TGDS: variants seen among roughly 807,000 people sequenced by gnomAD.
The protein encoded by TGDS is UDP-D-glucose 4,6-dehydratase.
In TGDS, 47 loss-of-function variants were observed where a neutral mutation model predicts 52.3. The observed-to-expected ratio is 0.90, with a 90% confidence interval of 0.71 to 1.15. The LOEUF (loss-of-function observed/expected upper bound fraction) is 1.15. TGDS is among the 50% of genes most tolerant of loss of function. The pLI is 0.00. For missense variants in TGDS, 375 were observed against 418.4 expected (o/e 0.90, Z 0.90); for synonymous variants, 115 against 136.9 (o/e 0.84, Z 1.12).
At position 94,582,303 on chromosome 13, in the gene TGDS, T is replaced by C. The variant is rs9524541; in HGVS notation, c.456+791A>G. Among the ~76,000 whole-genome samples the C allele has an allele frequency of 8.4e-3, 1,285 of 152,310 alleles. 5 individuals carry two copies. The highest frequency in any genetic ancestry group is 0.012 in the Non-Finnish European group (813 of 68,026). On this transcript the variant is annotated intron_variant, in intron 5 of 11. Coordinates refer to ENST00000261296, the MANE Select transcript of TGDS (RefSeq NM_014305.4). ...GAAAGGGAAAGATGAACAGGTAGTATGCTGCAGCCTAACTTATGCTTTGGT... is the reference window on the plus strand; with the variant it reads ...GAAAGGGAAAGATGAACAGGTAGTACGCTGCAGCCTAACTTATGCTTTGGT...
At chr13:94,579,685 C>T in intron 7 of TGDS, 1 of 422,258 alleles carries the variant, frequency 2.4e-6, no homozygotes, top group Non-Finnish European at 4.2e-6. Context: ...GTGGTGAAGC[C>T]AGCTGGTGAG....
intron 1 of TGDS, among the ~76,000 whole-genome samples, chr13:94,594,531 CA>C (rs1889308475): frequency 6.6e-6 from 1 of 152,172 alleles, no homozygotes; most frequent in Non-Finnish European, 1.5e-5. Flanking sequence ...AGGCATATCT[CA>C]GTGAAATGAT....
At chr13:94,588,421 C>CAAAAAAAAAAAAAAAAAAAAAAAAAAAA (rs150186125) in intron 4 of TGDS, among the ~76,000 whole-genome samples, 1 of 58,492 alleles carries the variant, frequency 1.7e-5, no homozygotes, top group Non-Finnish European at 2.9e-5. Flanking sequence ...GACTCTGTCT[C>CAAAAAAAAAAAAAAAAAAAAAAAAAAAA]AAAAAAAAAA....
upstream of TGDS, chr13:94,596,153 G>T: frequency 6.2e-7 from 1 of 1,612,574 alleles, no homozygotes; most frequent in Non-Finnish European, 8.5e-7. Flanking sequence ...GCTCAGCAGT[G>T]CCTAGTACCG....
At chr13:94,596,212 G>A, upstream of TGDS, 1 of 1,485,990 alleles carries the variant, frequency 6.7e-7, no homozygotes, top group East Asian at 2.4e-5. Context: ...GCGACCTTTT[G>A]CGACGCGCCT....
chr13:94,585,596 G>C (rs897235545), intron 4 of TGDS, among the ~76,000 whole-genome samples: 1 of 152,076 alleles, frequency 6.6e-6, no homozygotes, highest in East Asian at 1.9e-4. Context: ...TCAGGAGTTT[G>C]AGACTAGTAT....
intron 1 of TGDS, chr13:94,595,832 A>G: frequency 1.7e-6 from 1 of 603,748 alleles, no homozygotes; most frequent in Non-Finnish European, 3.0e-6. Flanking sequence ...AGAGTAACGC[A>G]GCTTTGGAAG....
intron 4 of TGDS, among the ~76,000 whole-genome samples, chr13:94,589,688 TAATC>T (rs1402270678): frequency 6.6e-6 from 1 of 152,200 alleles, no homozygotes; most frequent in Non-Finnish European, 1.5e-5. Flanking sequence ...GAAAAGTACT[TAATC>T]TTATTAGTAA....
At chr13:94,588,801 G>A (rs1201183594) in intron 4 of TGDS, among the ~76,000 whole-genome samples, 8 of 152,100 alleles carry the variant, frequency 5.3e-5, no homozygotes, top group African/African-American at 1.7e-4. Flanking sequence ...CATTGTATTC[G>A]TCAATATAGT....
intron 5 of TGDS, 54 bp downstream of exon 5, chr13:94,583,040 A>T (rs1888854122): frequency 6.3e-7 from 1 of 1,581,052 alleles, no homozygotes; most frequent in African/African-American, 1.4e-5. Context: ...GGTTTAATAA[A>T]ACTGTATCAT....
chr13:94,583,463 C>A (rs1888874143), intron 4 of TGDS, among the ~76,000 whole-genome samples: 1 of 151,874 alleles, frequency 6.6e-6, no homozygotes, highest in Admixed American at 6.6e-5. Flanking sequence ...GTTAAATTTG[C>A]AGGAAAGTTT....
chr13:94,579,525 TAC>T (rs1187216140), intron 7 of TGDS: 2 of 159,508 alleles, frequency 1.3e-5, no homozygotes, highest in African/African-American at 4.8e-5. Flanking sequence ...ACTTTCTGTA[TAC>T]GCTGACATAC....
In TGDS at chr13:94,576,411, T is replaced by C. The variant is rs1594437088; in HGVS notation, c.885A>G (p.Arg295=). The change falls in exon 11 of 12, where the codon AGA becomes AGG. Residue 295 remains arginine, a splice_region_variant and synonymous_variant. Coordinates refer to ENST00000261296, the MANE Select transcript of TGDS (RefSeq NM_014305.4). ...TTGGGTATCTCATGTCATTGGTGGG[T>C]CTTGGAAAACAAAACAGATTTAAAA... The part of the protein sequence containing the change: ...MENWVDYVND[R]PTNDMRYPMK... 6.4e-7 allele frequency: 1 copy of C among 1,574,786 alleles called. No individual in the cohort carries two copies. Among genetic ancestry groups the C allele is most frequent in the East Asian group, 2.3e-5 (1 of 43,572 alleles).
At chr13:94,595,177 G>T (rs1254630713) in intron 1 of TGDS, among the ~76,000 whole-genome samples, 1 of 152,134 alleles carries the variant, frequency 6.6e-6, no homozygotes, top group Non-Finnish European at 1.5e-5. Context: ...TAAGGAAAGG[G>T]GAAGCAAGTG....
rs368354570 is a variant in TGDS, at chr13:94,577,353, T to C, written c.884+18A>G. 9.0e-6 allele frequency: 14 copies of C among 1,552,998 alleles called. No individual in the cohort carries two copies. Among genetic ancestry groups the C allele is most frequent in the Non-Finnish European group, 1.1e-5 (13 of 1,156,280 alleles). On this transcript the variant is annotated intron_variant, in intron 10 of 11. Coordinates refer to ENST00000261296, the MANE Select transcript of TGDS (RefSeq NM_014305.4). ...AAGATTTCACAACCTTTCCCCAAGG[T>C]TTTAACTTGTTACTCACCTATCATT...
At chr13:94,578,641 C>T (rs1888684317) in intron 8 of TGDS, 89 bp downstream of exon 8, 1 of 990,910 alleles carries the variant, frequency 1.0e-6, no homozygotes, top group Non-Finnish European at 1.6e-6. Context: ...ATTCTATGGC[C>T]TTTAAGACTT....
Position 94,590,944 on chromosome 13 carries a change from CTA to C in TGDS, c.223-3_223-2del. The C allele has an allele frequency of 6.4e-7, 1 of 1,566,518 alleles. No individual in the cohort carries two copies. The highest frequency in any genetic ancestry group is 1.4e-5 in the African/African-American group (1 of 71,618). ...CAAAGTGAGAATCACATATGTCACC[CTA>C]TATGAAAAAGCAAACATGAAAGGGC... is the stretch of plus-strand genomic sequence containing the variant. On this transcript the variant is annotated splice_acceptor_variant and splice_polypyrimidine_tract_variant and intron_variant, in intron 3 of 11. Transcript: ENST00000261296. LOFTEE classifies it high-confidence loss of function.
intron 4 of TGDS, among the ~76,000 whole-genome samples, chr13:94,587,420 T>C (rs1889030719): frequency 6.6e-6 from 1 of 152,130 alleles, no homozygotes; most frequent in Non-Finnish European, 1.5e-5. Context: ...GTATAAAGAA[T>C]TATTATAAAG....
In TGDS at chr13:94,577,555, T is replaced by C; in HGVS notation, c.826-126A>G. On this transcript the variant is annotated intron_variant, in intron 9 of 11. Transcript: ENST00000261296. The stretch of plus-strand genomic sequence containing the variant: ...GCAGGGAAGACAGCTAAAATGAACA[T>C]CATTTTAGTAACACTTTCTATACTT... 6.0e-6 allele frequency: 4 copies of C among 664,858 alleles called. No homozygotes were observed. In the East Asian group the frequency reaches 8.7e-5, roughly 14 times the overall value. The allele number at this position is 664,858 out of a possible 1,614,324, so 41.2% of individuals were successfully genotyped here.
Sources: gnomAD v4.1 joint callset for allele counts (sites outside exome capture counted in the v4.1 genomes callset) on GRCh38, gnomAD v4.1.1 for gene constraint, MANE v1.5 for transcripts, NCBI Gene and HGNC (gene_info 2026-07-23, HGNC 2026-07-21) for gene names.